DDX24: variants seen among roughly 807,000 people sequenced by gnomAD.
The protein encoded by DDX24 is DEAD-box helicase 24.
Under a neutral mutation model 68.9 loss-of-function variants are expected in DDX24, and 24 were observed. The observed-to-expected ratio is 0.35, with a 90% confidence interval of 0.25 to 0.49. The LOEUF (loss-of-function observed/expected upper bound fraction) is 0.49, where lower values mean the gene tolerates loss of function less well. DDX24 is among the 20% of genes least tolerant of loss of function. The probability of loss-of-function intolerance (pLI) is 0.99; values close to 1 mark genes in which losing one functional copy is unlikely to be tolerated. For synonymous variants in DDX24, 395 were observed against 385.2 expected, an observed-to-expected ratio of 1.03 and a Z score of -0.30; for missense variants, 989 against 1,039.0, an observed-to-expected ratio of 0.95 and a Z score of 0.66.
chr14:94,053,145 A>C lies in DDX24; in HGVS notation c.2179-18T>G. On this transcript the variant is annotated intron_variant, in intron 7 of 8. Coordinates refer to ENST00000621632, the MANE Select transcript of DDX24 (RefSeq NM_020414.4). ...ATTCGCTCCTGGGGGGAAGTAACAGAAAATATTCATCTGAAATAGAGTTCA... is the reference window on the plus strand; with the variant it reads ...ATTCGCTCCTGGGGGGAAGTAACAGCAAATATTCATCTGAAATAGAGTTCA... 1 of 1,613,934 alleles carries C rather than the reference A, an allele frequency of 6.2e-7. No homozygotes were observed. Among genetic ancestry groups the C allele is most frequent in the Non-Finnish European group, 8.5e-7 (1 of 1,179,966 alleles).
In DDX24 at chr14:94,060,548, A is replaced by G. The variant is rs1019501975; in HGVS notation, c.1463T>C (p.Leu488Pro). ...TTGGGAGTCATTGAGCATCTCTAGC[A>G]GCTGTGAGAGCTCAGCAAAATGGCC... The part of the protein sequence containing the change: ...EKGHFAELSQ[L>P]LEMLNDSQYN... Residue 488 changes from leucine to proline, a missense_variant, in exon 5 of 9, where the codon CTG becomes CCG. By Grantham distance (98) the Leu-to-Pro change is moderately conservative. This residue lies in a region of DDX24 where 691 missense variants were observed against 760.0 expected (regional missense o/e 0.91). Transcript: ENST00000621632. The G allele has an allele frequency of 6.2e-7, 1 of 1,614,170 alleles. No homozygotes were observed.
intron 2 of DDX24, among the ~76,000 whole-genome samples, chr14:94,072,888 A>T (rs1043073402): frequency 6.6e-6 from 1 of 152,216 alleles, no homozygotes. Context: ...TACACCAATA[A>T]CTTATGGAAA....
intron 1 of DDX24, 132 bp from the exon 2 acceptor site, chr14:94,079,879 C>T: frequency 1.2e-6 from 1 of 811,238 alleles, no homozygotes; most frequent in South Asian, 1.6e-5. Context: ...ACAGTTGCTC[C>T]CACCTAGAGA....
At chr14:94,064,289 A>G (rs542299327) in intron 2 of DDX24, among the ~76,000 whole-genome samples, 24 of 152,370 alleles carry the variant, frequency 1.6e-4, no homozygotes, top group Admixed American at 3.9e-4. Context: ...TCTCAGTGAC[A>G]GGGGCATCTT....
In DDX24 at chr14:94,079,546, G is replaced by A. The variant is rs1886016110; in HGVS notation, c.197C>T (p.Ser66Phe). 19 of 1,614,136 alleles carry A rather than the reference G, an allele frequency of 1.2e-5. No individual in the cohort carries two copies. Among genetic ancestry groups the A allele is most frequent in the Non-Finnish European group, 1.4e-5 (17 of 1,180,048 alleles). The change falls in exon 2 of 9, where the codon TCC becomes TTC. Residue 66 changes from serine (S) to phenylalanine (F), a missense_variant. Physicochemically the swap from Ser to Phe is radical, Grantham distance 155. Coordinates refer to ENST00000621632, the MANE Select transcript of DDX24 (RefSeq NM_020414.4). The part of the protein sequence containing the change: ...YQLVSPAKNP[S>F]SLFSKEAPKR... The stretch of plus-strand genomic sequence containing the variant: ...GGGTGCTTCCTTTGAGAAGAGACTG[G>A]AGGGATTCTTGGCAGGGGAGACCAA...
intron 7 of DDX24, chr14:94,053,351 G>A: frequency 4.5e-6 from 1 of 220,078 alleles, no homozygotes; most frequent in Non-Finnish European, 8.3e-6. Flanking sequence ...CCATGCCTAG[G>A]TAATTTCTTT....
In DDX24 at chr14:94,072,437, C is replaced by T. The variant is rs146189838; in HGVS notation, c.718+6588G>A. On this transcript the variant is annotated intron_variant, in intron 2 of 8. Transcript: ENST00000621632. The stretch of plus-strand genomic sequence containing the variant: ...AGCATAAGAATGATACAATGGACTC[C>T]GGGTACTTGGGGGGAAGAATGAAAG... Among the ~76,000 whole-genome samples the T allele has an allele frequency of 5.8e-3, 879 of 152,200 alleles. 5 individuals carry two copies. Among genetic ancestry groups the T allele is most frequent in the African/African-American group, 0.02 (816 of 41,520 alleles).
At position 94,057,803 on chromosome 14, in the gene DDX24, A is replaced by G; in HGVS notation, c.1989+19T>C. ...CATTCAGTGCAGGCAGATGCCTATA[A>G]ATTTTCAGATGCCCCTACCTGGTAA... is the stretch of plus-strand genomic sequence containing the variant. On this transcript the variant is annotated intron_variant, in intron 6 of 8. Transcript: ENST00000621632. 6.2e-7 allele frequency: 1 copy of G among 1,612,458 alleles called. No homozygotes were observed. The highest frequency in any genetic ancestry group is 8.5e-7 in the Non-Finnish European group (1 of 1,179,390).
chr14:94,066,260 G>A (rs1215352323), intron 2 of DDX24, among the ~76,000 whole-genome samples: 1 of 152,068 alleles, frequency 6.6e-6, no homozygotes, highest in Non-Finnish European at 1.5e-5. Flanking sequence ...TGACTCACCA[G>A]AGGCAGCCAT....
rs1885466727 is a variant in DDX24, at chr14:94,055,094, C to T, written c.2080G>A (p.Glu694Lys). The change falls in exon 7 of 9, where the codon GAG becomes AAG. Residue 694 changes from glutamate (E) to lysine (K), a missense_variant. Transcript: ENST00000621632. ...EGLSLMLIGP[E>K]DVINFKKIYK... ...ATCTTCTTAAAGTTGATCACATCCT[C>T]AGGCCCAATGAGCATCAGACTGAGG... The T allele has an allele frequency of 9.9e-6, 16 of 1,614,222 alleles. No homozygotes were observed. The highest frequency in any genetic ancestry group is 1.4e-5 in the Non-Finnish European group (16 of 1,180,030).
chr14:94,053,726 A>T (rs1400943458), intron 7 of DDX24, among the ~76,000 whole-genome samples: 1 of 152,210 alleles, frequency 6.6e-6, no homozygotes, highest in Non-Finnish European at 1.5e-5. Flanking sequence ...AGGCAGGAGA[A>T]TCACTTGAAC....
chr14:94,074,247 T>C (rs965823708), intron 2 of DDX24, among the ~76,000 whole-genome samples: 5 of 152,128 alleles, frequency 3.3e-5, no homozygotes, highest in African/African-American at 1.2e-4. Context: ...ATTCTGAAGC[T>C]ACATTACTGA....
In DDX24 at chr14:94,079,026, T is replaced by C. The variant is rs1338781962; in HGVS notation, c.717A>G (p.Thr239=). The C allele has an allele frequency of 2.5e-6, 4 of 1,611,432 alleles. No individual in the cohort carries two copies. The East Asian group carries it at 6.7e-5, about 27-fold the overall frequency. The change falls in exon 2 of 9, where the codon ACA becomes ACG. Residue 239 remains threonine (T), a splice_region_variant and synonymous_variant. Transcript: ENST00000621632. The stretch of plus-strand genomic sequence containing the variant: ...TGCTTTGGCCAGAGTTGCCCTTACC[T>C]GTCTCAGCAGCCCCAAGGATGTCCA... The part of the protein sequence containing the change: ...DKLDILGAAE[T]GSGKTLAFAI...
intron 2 of DDX24, among the ~76,000 whole-genome samples, chr14:94,065,216 CTT>C (rs915491464): frequency 2.6e-5 from 4 of 151,742 alleles, no homozygotes; most frequent in African/African-American, 7.3e-5. Flanking sequence ...ACCCAAGTAA[CTT>C]TTGATTTTTT....
chr14:94,080,715 A>T (rs1198024331), intron 1 of DDX24, among the ~76,000 whole-genome samples: 1 of 143,636 alleles, frequency 7.0e-6, no homozygotes, highest in African/African-American at 2.9e-5. Context: ...AAAAACAAAC[A>T]AAAAAAAACA....
chr14:94,079,767 T>C lies in DDX24; in HGVS notation c.-5-20A>G. 6.2e-7 allele frequency: 1 copy of C among 1,601,640 alleles called. No homozygotes were observed. On this transcript the variant is annotated intron_variant, in intron 1 of 8. Transcript: ENST00000621632. ...TGGTTGCTGAAAAGGAGATACATGT[T>C]CTATTAGGTTGGTGTCTGAGAAGCA...
At position 94,060,850 on chromosome 14, in the gene DDX24, A is replaced by G. The variant is rs371411750; in HGVS notation, c.1397+63T>C. 24 of 1,593,154 alleles carry G rather than the reference A, an allele frequency of 1.5e-5. No individual in the cohort carries two copies. In the African/African-American group the frequency reaches 2.9e-4, roughly 20 times the overall value. On this transcript the variant is annotated intron_variant, in intron 4 of 8. Coordinates refer to ENST00000621632, the MANE Select transcript of DDX24 (RefSeq NM_020414.4). ...ATGAGAAGAAGGCATTGCCCACACC[A>G]TGTCACCTAAGGCTCATTTCAGAAA...
chr14:94,056,887 T>C (rs764246988), intron 6 of DDX24: 4 of 152,180 alleles, frequency 2.6e-5, no homozygotes, highest in African/African-American at 7.2e-5. Context: ...TTGATTGTTG[T>C]TGTGAAGTGA....
intron 2 of DDX24, among the ~76,000 whole-genome samples, chr14:94,066,645 C>T (rs774487261): frequency 3.9e-4 from 59 of 152,296 alleles, no homozygotes; most frequent in South Asian, 8.3e-4. Flanking sequence ...GCCCCATAGA[C>T]GGTTAACATC....
Sources: gnomAD v4.1 joint callset for allele counts (sites outside exome capture counted in the v4.1 genomes callset) on GRCh38, gnomAD v4.1.1 for gene constraint, gnomAD v4.1.1 regional missense constraint, MANE v1.5 for transcripts, NCBI Gene and HGNC (gene_info 2026-07-23, HGNC 2026-07-21) for gene names.